The following CHD7 variants were observed in gnomAD, a reference collection of about 807,000 sequenced individuals.
CHD7 encodes chromodomain helicase DNA binding protein 7.
Under a neutral mutation model 307.3 loss-of-function variants are expected in CHD7, and 24 were observed. That is an observed-to-expected ratio of 0.08 (90% CI 0.06 to 0.11). The LOEUF (loss-of-function observed/expected upper bound fraction) is 0.11, where lower values mean the gene tolerates loss of function less well. CHD7 is among the 10% of genes least tolerant of loss of function. CHD7 has a pLI of 1.00. For synonymous variants in CHD7, 1,363 were observed against 1,349.9 expected (o/e 1.01, Z -0.21); for missense variants, 3,106 against 3,727.1 (o/e 0.83, Z 4.34).
chr8:60,705,026 T>A (rs894898438), intron 1 of CHD7, among the ~76,000 whole-genome samples: 3 of 152,170 alleles, frequency 2.0e-5, no homozygotes, highest in African/African-American at 7.2e-5. Flanking sequence ...GATAGGAATC[T>A]CATCTGCATA....
intron 1 of CHD7, among the ~76,000 whole-genome samples, chr8:60,718,605 G>A (rs912150809): frequency 2.0e-5 from 3 of 152,112 alleles, no homozygotes; most frequent in South Asian, 2.1e-4. Context: ...CAATGTGTTC[G>A]TCTTTTAAGT....
chr8:60,814,032 T>C (rs1018297214), intron 7 of CHD7, among the ~76,000 whole-genome samples: 11 of 152,324 alleles, frequency 7.2e-5, no homozygotes, highest in African/African-American at 2.6e-4. Flanking sequence ...TTATTTCTTA[T>C]TAGCTTCATA....
intron 1 of CHD7, among the ~76,000 whole-genome samples, chr8:60,715,345 T>TTTTG (rs1807540082): frequency 6.7e-6 from 1 of 149,302 alleles, no homozygotes; most frequent in African/African-American, 2.5e-5. Context: ...TTTTTTTTTT[T>TTTTG]GGGAGTCTTG....
intron 29 of CHD7, 97 bp from the exon 30 acceptor site, chr8:60,852,401 C>G: frequency 7.5e-7 from 1 of 1,333,808 alleles, no homozygotes; most frequent in Non-Finnish European, 1.0e-6. Flanking sequence ...CCCCAAATAA[C>G]TACCATGTAT....
intron 1 of CHD7, among the ~76,000 whole-genome samples, chr8:60,695,979 G>C (rs965816501): frequency 6.6e-6 from 1 of 152,032 alleles, no homozygotes; most frequent in Non-Finnish European, 1.5e-5. Context: ...TCTATCCCAA[G>C]GAAAAATCTA....
intron 1 of CHD7, among the ~76,000 whole-genome samples, chr8:60,718,618 TAA>T (rs1477365604): frequency 1.3e-5 from 2 of 152,204 alleles, no homozygotes; most frequent in African/African-American, 4.8e-5. Flanking sequence ...TTTTAAGTTG[TAA>T]AAGTCAAAAG....
At position 60,851,332 on chromosome 8, in the gene CHD7, A is replaced by G. The variant is rs2150806324; in HGVS notation, c.5665+13A>G. On this transcript the variant is annotated intron_variant, in intron 28 of 37. Coordinates refer to ENST00000423902, the MANE Select transcript of CHD7 (RefSeq NM_017780.4). ...ATACATGCCACAGGTAAGGTCCCAG[A>G]AAAGCTTGTGTAGCCGAGCAGACGT... The G allele has an allele frequency of 1.6e-5, 25 of 1,555,346 alleles. No homozygotes were observed. The highest frequency in any genetic ancestry group is 2.1e-5 in the Non-Finnish European group (24 of 1,147,922).
intron 1 of CHD7, among the ~76,000 whole-genome samples, chr8:60,721,874 A>G (rs1485581093): frequency 2.0e-5 from 3 of 152,164 alleles, no homozygotes; most frequent in Admixed American, 1.3e-4. Context: ...TAAGGGTGAT[A>G]ATATTTATTC....
chr8:60,802,120 A>G (rs568383925), intron 6 of CHD7, among the ~76,000 whole-genome samples: 4 of 152,218 alleles, frequency 2.6e-5, no homozygotes, highest in African/African-American at 9.6e-5. Flanking sequence ...AATAGTTTTG[A>G]CTTAATACTT....
In CHD7 at chr8:60,867,892, A is replaced by AG. The variant is rs1563677131; in HGVS notation, c.*1959_*1960insG. Reference sequence around the variant, plus strand: ...AGTGCCTTGAAGAGAATATTTTTTGAAAGGGAATTATTTGAACACGGGAAA... The same window carrying AG: ...AGTGCCTTGAAGAGAATATTTTTTGAGAAGGGAATTATTTGAACACGGGAAA... On this transcript the variant is annotated 3_prime_UTR_variant, in exon 38 of 38. Transcript: ENST00000423902. The AG allele has an allele frequency of 2.0e-5, 3 of 151,764 alleles. No individual in the cohort carries two copies. The highest frequency in any genetic ancestry group is 7.3e-5 in the African/African-American group (3 of 41,036). The allele number at this position is 151,764 out of a possible 1,614,324, so 9.4% of individuals were successfully genotyped here. A position where few individuals can be genotyped will look rare whatever the true frequency, so the allele number is the denominator to read the frequency against.
Position 60,781,382 on chromosome 8 carries a change from A to G in CHD7, c.2048A>G (p.Lys683Arg). ...AAGATTCCCAAAGAGCCAAAGGAAA[A>G]GAAAGCAAAAACTGCCACGCCAAAA... is the stretch of plus-strand genomic sequence containing the variant. ...APKIPKEPKE[K>R]KAKTATPKPK... The change falls in exon 3 of 38, where the codon AAG (lysine) becomes AGG (arginine). Residue 683 changes from lysine to arginine, a missense_variant. Transcript: ENST00000423902. 1.3e-6 allele frequency: 2 copies of G among 1,531,000 alleles called. No homozygotes were observed. The highest frequency in any genetic ancestry group is 1.7e-6 in the Non-Finnish European group (2 of 1,143,770). The allele number at this position is 1,531,000 out of a possible 1,614,324, so 94.8% of individuals were successfully genotyped here.
intron 8 of CHD7, among the ~76,000 whole-genome samples, chr8:60,817,387 A>G (rs549364229): frequency 1.3e-5 from 2 of 152,364 alleles, no homozygotes; most frequent in Non-Finnish European, 2.9e-5. Flanking sequence ...AAAGTGGGAC[A>G]GAAGAGCACT....
intron 35 of CHD7, chr8:60,861,355 A>G (rs1452133679): frequency 1.3e-5 from 6 of 462,258 alleles, no homozygotes; most frequent in Non-Finnish European, 2.3e-5. Flanking sequence ...CGCGTTATGC[A>G]TTTCCTTACT....
chr8:60,815,394 T>A (rs1053345840), intron 7 of CHD7, among the ~76,000 whole-genome samples: 1 of 152,238 alleles, frequency 6.6e-6, no homozygotes, highest in African/African-American at 2.4e-5. Context: ...ATTCAAGATA[T>A]AATTTCTTTT....
chr8:60,706,807 G>T (rs1807041959), intron 1 of CHD7, among the ~76,000 whole-genome samples: 2 of 152,052 alleles, frequency 1.3e-5, no homozygotes, highest in African/African-American at 4.8e-5. Flanking sequence ...AATCTACAAA[G>T]ATCTTTTTAA....
intron 1 of CHD7, among the ~76,000 whole-genome samples, chr8:60,716,421 C>G (rs1451955840): frequency 2.0e-5 from 3 of 152,216 alleles, no homozygotes; most frequent in Non-Finnish European, 4.4e-5. Context: ...CACACTTTGT[C>G]CTTGCTGTCC....
At chr8:60,688,007 C>T (rs1805998329) in intron 1 of CHD7, among the ~76,000 whole-genome samples, 1 of 152,220 alleles carries the variant, frequency 6.6e-6, no homozygotes, top group Admixed American at 6.5e-5. Context: ...ATTGCTGTGT[C>T]TTACCAGCCC....
In CHD7 at chr8:60,742,324, A is replaced by C; in HGVS notation, c.892A>C (p.Thr298Pro). Residue 298 changes from threonine to proline, a missense_variant, in exon 2 of 38, where the codon ACA becomes CCA. Around this residue, in one of 10 missense-constraint regions of CHD7, gnomAD observed 998 missense variants for 1,004.5 expected, o/e 0.99. Coordinates refer to ENST00000423902, the MANE Select transcript of CHD7 (RefSeq NM_017780.4). ...QTLNFSSRSQTVPSPTINNSG... is the reference protein window; with the variant it reads ...QTLNFSSRSQPVPSPTINNSG... Reference sequence around the variant, plus strand: ...CCTTAACTTTAGTTCTCGGAGCCAGACAGTCCCCTCTCCTACTATAAACAA... The same window carrying C: ...CCTTAACTTTAGTTCTCGGAGCCAGCCAGTCCCCTCTCCTACTATAAACAA... 6.2e-7 allele frequency: 1 copy of C among 1,613,974 alleles called. No individual in the cohort carries two copies. The highest frequency in any genetic ancestry group is 1.6e-4 in the Middle Eastern group (1 of 6,062).
chr8:60,749,821 T>A (rs1236321739), intron 2 of CHD7, among the ~76,000 whole-genome samples: 1 of 152,250 alleles, frequency 6.6e-6, no homozygotes, highest in African/African-American at 2.4e-5. Context: ...CAGCCTTTAC[T>A]GGTCTCTCTT....
Sources: allele counts gnomAD v4.1 joint callset (sites outside exome capture counted in the v4.1 genomes callset), GRCh38; gene constraint gnomAD v4.1.1; regional missense constraint gnomAD v4.1.1; transcripts MANE v1.5; gene names NCBI Gene and HGNC (gene_info 2026-07-23, HGNC 2026-07-21).